RBPJ: variants seen among roughly 807,000 people sequenced by gnomAD.
RBPJ encodes recombination signal binding protein for immunoglobulin kappa J region.
RBPJ carries 9 observed loss-of-function variants against 67.8 expected under a neutral mutation model. The observed-to-expected ratio is 0.13, with a 90% CI of 0.08 to 0.23. The LOEUF is 0.23. RBPJ is among the 10% of genes least tolerant of loss of function. RBPJ has a pLI of 1.00. For synonymous variants in RBPJ, 198 were observed against 203.3 expected (o/e 0.97, Z 0.22); for missense variants, 305 against 595.6 (o/e 0.51, Z 5.08).
At chr4:26,402,312 A>G (rs186103573) in intron 2 of RBPJ, among the ~76,000 whole-genome samples, 15 of 152,102 alleles carry the variant, frequency 9.9e-5, no homozygotes, top group African/African-American at 2.9e-4. Context: ...TGGTCTCCCT[A>G]TTCCCTCCCT....
At chr4:26,175,220 C>T (rs535324136) in intron 1 of RBPJ, among the ~76,000 whole-genome samples, 7 of 152,274 alleles carry the variant, frequency 4.6e-5, no homozygotes, top group African/African-American at 9.6e-5. Flanking sequence ...CTGAAGCCGA[C>T]GACAGCTGAG....
At chr4:26,115,983 T>A in the RBPJ span, among the ~76,000 whole-genome samples, 2 of 152,186 alleles carry the variant, frequency 1.3e-5, no homozygotes, top group Non-Finnish European at 2.9e-5. Context: ...TAACTTCCTA[T>A]TTAAAATAAA....
chr4:26,414,121 T>C (rs776790621), intron 3 of RBPJ, among the ~76,000 whole-genome samples: 10 of 152,068 alleles, frequency 6.6e-5, no homozygotes, highest in Non-Finnish European at 1.3e-4. Context: ...AGGCTGTGTG[T>C]TTCAAGAAAG....
intron 1 of RBPJ, among the ~76,000 whole-genome samples, chr4:26,170,689 T>G (rs982511080): frequency 6.6e-6 from 1 of 152,186 alleles, no homozygotes; most frequent in African/African-American, 2.4e-5. Flanking sequence ...GTTAACTGTA[T>G]TTTCATGAAA....
chr4:26,295,201 A>T (rs1195928590), intron 1 of RBPJ, among the ~76,000 whole-genome samples: 1 of 151,892 alleles, frequency 6.6e-6, no homozygotes, highest in Non-Finnish European at 1.5e-5. Context: ...TTGTGGAATG[A>T]AATGACAAGT....
chr4:26,153,593 G>A, the RBPJ span, among the ~76,000 whole-genome samples: 1 of 152,182 alleles, frequency 6.6e-6, no homozygotes. Flanking sequence ...CAGTGTCACT[G>A]GCCTTAGTAA....
intron 1 of RBPJ, among the ~76,000 whole-genome samples, chr4:26,345,643 G>A (rs1577484992): frequency 6.6e-6 from 1 of 152,146 alleles, no homozygotes; most frequent in African/African-American, 2.4e-5. Flanking sequence ...GAGAGGAATC[G>A]CCTGGTAGCT....
In RBPJ at chr4:26,353,909, G is replaced by C. The variant is rs192467898; in HGVS notation, c.21-32444G>C. 1.6e-4 allele frequency among the ~76,000 whole-genome samples: 24 copies of C among 151,732 alleles called. 1 individual carries two copies. The highest frequency in any genetic ancestry group is 5.6e-4 in the African/African-American group (23 of 41,372). On this transcript the variant is annotated intron_variant, in intron 1 of 10. Coordinates refer to ENST00000355476, the MANE Select transcript of RBPJ (RefSeq NM_015874.6). Reference sequence around the variant, plus strand: ...TTACAGTTGTAAGCTACTGTGCCCTGCCACAGTATTCTTTTGTTTTTTTGT... The same window carrying C: ...TTACAGTTGTAAGCTACTGTGCCCTCCCACAGTATTCTTTTGTTTTTTTGT...
chr4:26,218,715 C>A (rs1718803207), intron 1 of RBPJ, among the ~76,000 whole-genome samples: 1 of 152,162 alleles, frequency 6.6e-6, no homozygotes, highest in Admixed American at 6.5e-5. Context: ...TCTCTGCACA[C>A]AGCAGGCATT....
At chr4:26,319,390 C>A (rs919100702), upstream of RBPJ, among the ~76,000 whole-genome samples, 1 of 152,090 alleles carries the variant, frequency 6.6e-6, no homozygotes, top group African/African-American at 2.4e-5. Context: ...AGACGCGGGT[C>A]TCCTCCCCCG....
At chr4:26,366,698 G>A (rs1291083852) in intron 1 of RBPJ, among the ~76,000 whole-genome samples, 1 of 152,030 alleles carries the variant, frequency 6.6e-6, no homozygotes, top group Non-Finnish European at 1.5e-5. Context: ...GGGATTACAG[G>A]CATGAGCCAC....
At chr4:26,377,887 C>T (rs1729917632) in intron 1 of RBPJ, among the ~76,000 whole-genome samples, 1 of 152,146 alleles carries the variant, frequency 6.6e-6, no homozygotes, top group Non-Finnish European at 1.5e-5. Context: ...CAAAACAAAA[C>T]TTCTTTGTCA....
At chr4:26,346,721 G>T (rs542218784) in intron 1 of RBPJ, among the ~76,000 whole-genome samples, 36 of 152,320 alleles carry the variant, frequency 2.4e-4, no homozygotes, top group African/African-American at 8.7e-4. Context: ...GGGCGCTGCG[G>T]CTCAGGACTC....
intron 1 of RBPJ, among the ~76,000 whole-genome samples, chr4:26,233,996 A>C (rs1049250426): frequency 1.3e-5 from 2 of 152,214 alleles, no homozygotes; most frequent in Non-Finnish European, 2.9e-5. Context: ...CAAAGAAGTA[A>C]TGGTGGATTC....
chr4:26,171,780 A>G (rs897767119), intron 1 of RBPJ, among the ~76,000 whole-genome samples: 3 of 152,166 alleles, frequency 2.0e-5, no homozygotes, highest in African/African-American at 4.8e-5. Flanking sequence ...GCTGTGTGAC[A>G]GAAGAGGAAA....
intron 1 of RBPJ, among the ~76,000 whole-genome samples, chr4:26,340,542 G>C (rs1725397793): frequency 6.6e-6 from 1 of 152,142 alleles, no homozygotes; most frequent in South Asian, 2.1e-4. Context: ...ATTCAAGGTA[G>C]AGATGATGCT....
At chr4:26,180,516 GC>G (rs1408220197) in intron 1 of RBPJ, among the ~76,000 whole-genome samples, 2 of 152,122 alleles carry the variant, frequency 1.3e-5, no homozygotes, top group African/African-American at 4.8e-5. Context: ...CCCACTTCCT[GC>G]TTCATAGATG....
intron 1 of RBPJ, among the ~76,000 whole-genome samples, chr4:26,333,989 T>C (rs1577457986): frequency 1.3e-5 from 2 of 152,192 alleles, no homozygotes; most frequent in South Asian, 4.1e-4. Context: ...TTAAAATAAT[T>C]TTGTCAGGGC....
chr4:26,189,934 C>CCCCAACACA (rs1560203432), intron 1 of RBPJ, among the ~76,000 whole-genome samples: 1 of 152,094 alleles, frequency 6.6e-6, no homozygotes. Context: ...ACACAAGTTC[C>CCCCAACACA]CCCAACACAC....
Sources: gnomAD v4.1 joint callset for allele counts (sites outside exome capture counted in the v4.1 genomes callset) on GRCh38, gnomAD v4.1.1 for gene constraint, MANE v1.5 for transcripts, NCBI Gene and HGNC (gene_info 2026-07-23, HGNC 2026-07-21) for gene names.